Variants in SDR42E2 observed in about 807,000 individuals in gnomAD.
The protein encoded by SDR42E2 is short chain dehydrogenase/reductase family 42E, member 2.
A neutral mutation model predicts 10.5 loss-of-function variants in SDR42E2; 20 were observed. The observed-to-expected ratio is 1.90, with a 90% confidence interval of 1.34 to 2.77. SDR42E2 has a LOEUF of 2.77. Ranked by LOEUF, SDR42E2 falls within the 30% of genes most tolerant of loss-of-function variation. The pLI is 0.00. For synonymous variants in SDR42E2, 72 were observed against 39.2 expected (o/e 1.84, Z -3.12); for missense variants, 162 against 104.2 (o/e 1.55, Z -2.42).
rs1203792633 is a variant in SDR42E2 at position 22,182,235 on chromosome 16, C to T, written c.834C>T (p.Asn278=). 2 of 402,072 alleles carry T rather than the reference C, an allele frequency of 5.0e-6. No individual in the cohort carries two copies. The highest frequency in any genetic ancestry group is 8.8e-6 in the Non-Finnish European group (2 of 227,062). 24.9% of individuals were successfully genotyped at this position (402,072 alleles called of 1,614,324 possible). ...AGAGTGGGCAGGCGTACTACATCAACGATGGGGAGAGCGTCAACCTCTTTG... is the reference window on the plus strand; with the variant it reads ...AGAGTGGGCAGGCGTACTACATCAATGATGGGGAGAGCGTCAACCTCTTTG... ...YVASGQAYYI[N]DGESVNLFEW... is the part of the protein sequence containing the mutation. Residue 278 remains asparagine (N), a synonymous_variant, in exon 10 of 13, where the codon AAC becomes AAT. Coordinates refer to ENST00000602312, the MANE Select transcript of SDR42E2 (RefSeq NM_001394319.2).
In SDR42E2 at chr16:22,172,250, T is replaced by C. The variant is rs2046607445; in HGVS notation, c.514-6T>C. ...TGGTGGTTCTGTTTTTCCTGGCCTC[T>C]GGCAGCACGTAGACCACTACTCCCG... On this transcript the variant is annotated splice_region_variant and splice_polypyrimidine_tract_variant and intron_variant, in intron 6 of 12. Transcript: ENST00000602312. The C allele has an allele frequency of 1.4e-6, 1 of 703,072 alleles. No individual in the cohort carries two copies. Among genetic ancestry groups the C allele is most frequent in the Non-Finnish European group, 2.6e-6 (1 of 384,998 alleles). The allele number at this position is 703,072 out of a possible 1,614,324, so 43.6% of individuals were successfully genotyped here.
At position 22,190,614 on chromosome 16, in the gene SDR42E2, CT is replaced by C. The variant is rs2046767893; in HGVS notation, c.*223del. On this transcript the variant is annotated 3_prime_UTR_variant, in exon 13 of 13. Transcript: ENST00000602312. Reference sequence around the variant, plus strand: ...CTACTCCCAGACCTTGCCTTGCGCCCTTCCTGTGTTTTGGCCCCGCCCCTGT... The same window carrying C: ...CTACTCCCAGACCTTGCCTTGCGCCCTCCTGTGTTTTGGCCCCGCCCCTGT... 2.0e-5 allele frequency: 8 copies of C among 393,056 alleles called. No homozygotes were observed. The South Asian group carries it at 9.6e-4, about 47-fold the overall frequency. 24.3% of individuals were successfully genotyped at this position (393,056 alleles called of 1,614,324 possible). A position where few individuals can be genotyped will look rare whatever the true frequency, so the allele number is the denominator to read the frequency against.
intron 5 of SDR42E2, 135 bp downstream of exon 5, chr16:22,169,637 TC>T: frequency 1.5e-6 from 1 of 670,634 alleles, no homozygotes; most frequent in Admixed American, 2.1e-5. Flanking sequence ...ACTGCAGACC[TC>T]CCCAGGGCCC....
chr16:22,188,798 C>G, intron 12 of SDR42E2, among the ~76,000 whole-genome samples: 1 of 151,976 alleles, frequency 6.6e-6, no homozygotes, highest in East Asian at 1.9e-4. Context: ...CATCAACCAG[C>G]CCTCCAGTTT....
rs1055344454 is a variant in SDR42E2, at chr16:22,190,209, A to G, written c.1085A>G (p.Asp362Gly). 2 of 400,992 alleles carry G rather than the reference A, an allele frequency of 5.0e-6. No homozygotes were observed. Among genetic ancestry groups the G allele is most frequent in the Non-Finnish European group, 8.8e-6 (2 of 226,124 alleles). The allele number at this position is 400,992 out of a possible 1,614,324, so 24.8% of individuals were successfully genotyped here. ...KARAQLGYAP[D>G]KFRFADAVEL... ...CGCGCCCAGCTCGGCTACGCGCCGG[A>G]TAAGTTTAGGTTCGCCGACGCCGTG... The change falls in exon 13 of 13, where the codon GAT becomes GGT. Residue 362 changes from aspartate to glycine, a missense_variant. Coordinates refer to ENST00000602312, the MANE Select transcript of SDR42E2 (RefSeq NM_001394319.2).
chr16:22,176,985 C>A (rs2046649794), intron 7 of SDR42E2, among the ~76,000 whole-genome samples: 1 of 152,180 alleles, frequency 6.6e-6, no homozygotes, highest in Admixed American at 6.6e-5. Flanking sequence ...TTCCAAAGCA[C>A]CCATTTTCCA....
chr16:22,184,112 G>A (rs2046718606), intron 10 of SDR42E2, 69 bp from the exon 11 acceptor site: 1 of 399,656 alleles, frequency 2.5e-6, no homozygotes. Context: ...CCCGGTAGAG[G>A]GAGCATGTGG....
intron 12 of SDR42E2, among the ~76,000 whole-genome samples, chr16:22,187,728 G>A (rs2142083741): frequency 6.6e-6 from 1 of 152,188 alleles, no homozygotes; most frequent in South Asian, 2.1e-4. Flanking sequence ...TATTTGCTTA[G>A]TTAAAAGAGA....
At position 22,191,738 on chromosome 16, in the gene SDR42E2, T is replaced by C. The variant is rs966066033; in HGVS notation, c.*1345T>C. 1.3e-5 allele frequency: 2 copies of C among 152,174 alleles called. No individual in the cohort carries two copies. The highest frequency in any genetic ancestry group is 6.5e-5 in the Admixed American group (1 of 15,286). The allele number at this position is 152,174 out of a possible 1,614,324, so 9.4% of individuals were successfully genotyped here. A position where few individuals can be genotyped will look rare whatever the true frequency, so the allele number is the denominator to read the frequency against. On this transcript the variant is annotated 3_prime_UTR_variant, in exon 13 of 13. Transcript: ENST00000602312. Reference sequence around the variant, plus strand: ...TGTCTCGATGAAGTACCAATAAAGCTATAATGGGAAAAATAGAGTTTAGTT... The same window carrying C: ...TGTCTCGATGAAGTACCAATAAAGCCATAATGGGAAAAATAGAGTTTAGTT...
intron 4 of SDR42E2, among the ~76,000 whole-genome samples, chr16:22,169,230 T>C (rs1414487016): frequency 1.3e-5 from 2 of 152,072 alleles, no homozygotes; most frequent in Non-Finnish European, 2.9e-5. Context: ...ACAAATGAGG[T>C]TGCTGAGGGA....
intron 5 of SDR42E2, among the ~76,000 whole-genome samples, chr16:22,170,372 A>G (rs192042137): frequency 3.3e-5 from 5 of 152,292 alleles, no homozygotes; most frequent in East Asian, 1.9e-4. Context: ...AAATAAATAA[A>G]TAAATAAACA....
At chr16:22,181,739 C>T in intron 9 of SDR42E2, 83 bp downstream of exon 9, 1 of 643,402 alleles carries the variant, frequency 1.6e-6, no homozygotes, top group Non-Finnish European at 2.8e-6. Flanking sequence ...TTCTGGATGG[C>T]ACACAAGATT....
chr16:22,190,027 A>C, intron 12 of SDR42E2, 112 bp from the exon 13 acceptor site: 1 of 399,950 alleles, frequency 2.5e-6, no homozygotes. Flanking sequence ...TTAAATCACT[A>C]TGTAATGGAG....
chr16:22,188,862 G>A (rs2142084775), intron 12 of SDR42E2, among the ~76,000 whole-genome samples: 1 of 152,298 alleles, frequency 6.6e-6, no homozygotes, highest in Non-Finnish European at 1.5e-5. Context: ...ACTGTGCTGA[G>A]CAACGGAGGC....
At chr16:22,168,605 G>T (rs116215582) in intron 4 of SDR42E2, among the ~76,000 whole-genome samples, 12,384 of 152,012 alleles carry the variant, frequency 0.081, 824 homozygotes, top group East Asian at 0.32. Context: ...GGAAGCAGTG[G>T]CTCATGCCTG....
At chr16:22,179,815 A>C (rs1434913668) in intron 8 of SDR42E2, among the ~76,000 whole-genome samples, 2 of 148,116 alleles carry the variant, frequency 1.4e-5, no homozygotes, top group Non-Finnish European at 3.0e-5. Context: ...CTTCATCTCA[A>C]AAAAAAAAAA....
chr16:22,171,353 G>A (rs2046599382), intron 6 of SDR42E2, among the ~76,000 whole-genome samples: 1 of 151,932 alleles, frequency 6.6e-6, no homozygotes, highest in Non-Finnish European at 1.5e-5. Flanking sequence ...AGATTCTCCT[G>A]CCTCAGCCTC....
At chr16:22,165,076 T>TTTTGTTTG (rs370532907) in intron 1 of SDR42E2, among the ~76,000 whole-genome samples, 6 of 151,966 alleles carry the variant, frequency 3.9e-5, no homozygotes, top group Admixed American at 6.6e-5. Context: ...CACTGGAGTT[T>TTTTGTTTG]TTTGTTTGTT....
intron 11 of SDR42E2, among the ~76,000 whole-genome samples, chr16:22,184,550 C>T (rs1485577453): frequency 2.0e-5 from 3 of 152,060 alleles, no homozygotes; most frequent in African/African-American, 7.2e-5. Flanking sequence ...TGCAGTGAGC[C>T]GAGATCCCGC....
Sources: allele counts gnomAD v4.1 joint callset (sites outside exome capture counted in the v4.1 genomes callset), GRCh38; gene constraint gnomAD v4.1.1; transcripts MANE v1.5; gene names NCBI Gene and HGNC (gene_info 2026-07-23, HGNC 2026-07-21).